The following KAT6B variants were observed in gnomAD, a reference collection of about 807,000 sequenced individuals.
KAT6B encodes lysine acetyltransferase 6B, also known as histone acetyltransferase KAT6B.
KAT6B carries 10 observed loss-of-function variants against 187.5 expected under a neutral mutation model. The ratio of observed to expected loss-of-function variants is 0.05; its 90% confidence interval spans 0.03 to 0.09. The LOEUF (loss-of-function observed/expected upper bound fraction) is 0.09, where lower values mean the gene tolerates loss of function less well. KAT6B is among the 10% of genes least tolerant of loss of function. The pLI is 1.00. For missense variants in KAT6B, 1,952 were observed against 2,558.9 expected, an observed-to-expected ratio of 0.76 and a Z score of 5.12; for synonymous variants, 861 against 926.8, an observed-to-expected ratio of 0.93 and a Z score of 1.29.
At position 74,939,238 on chromosome 10, in the gene KAT6B, A is replaced by G. The variant is rs537819544; in HGVS notation, c.622-20732A>G. Among the ~76,000 whole-genome samples the G allele has an allele frequency of 1.6e-3, 241 of 152,246 alleles. 1 individual carries two copies. Among genetic ancestry groups the G allele is most frequent in the African/African-American group, 5.4e-3 (223 of 41,534 alleles). On this transcript the variant is annotated intron_variant, in intron 3 of 17. Coordinates refer to ENST00000287239, the MANE Select transcript of KAT6B (RefSeq NM_012330.4). ...ACTGCTGTTTGAGTTGATTCTTCCA[A>G]TGTAAAGGCTGTGAGGATGTATGGG...
chr10:74,938,913 T>G (rs1849456004), intron 3 of KAT6B, among the ~76,000 whole-genome samples: 1 of 152,054 alleles, frequency 6.6e-6, no homozygotes, highest in Admixed American at 6.5e-5. Context: ...ATTTTTGTAA[T>G]TTTAGTAGAG....
chr10:75,025,565 A>T, intron 17 of KAT6B: 1 of 305,272 alleles, frequency 3.3e-6, no homozygotes, highest in Non-Finnish European at 6.2e-6. Flanking sequence ...TGATTCTAAT[A>T]TGTACTTTTT....
intron 3 of KAT6B, among the ~76,000 whole-genome samples, chr10:74,847,489 C>T (rs1241291830): frequency 3.3e-5 from 5 of 151,860 alleles, no homozygotes; most frequent in Non-Finnish European, 5.9e-5. Context: ...ATGGAGAAAC[C>T]TCGTCTCTAT....
intron 13 of KAT6B, among the ~76,000 whole-genome samples, chr10:75,004,029 T>C (rs1844034682): frequency 6.6e-6 from 1 of 152,128 alleles, no homozygotes; most frequent in Non-Finnish European, 1.5e-5. Flanking sequence ...TCAGAATTTT[T>C]TCAAGTTTTG....
At chr10:74,928,693 G>T (rs184935339) in intron 3 of KAT6B, among the ~76,000 whole-genome samples, 101 of 152,200 alleles carry the variant, frequency 6.6e-4, no homozygotes, top group Non-Finnish European at 1.1e-3. Flanking sequence ...GTTTTTATAC[G>T]TAGTTTTTAA....
chr10:74,922,032 A>C (rs927876843), intron 3 of KAT6B, among the ~76,000 whole-genome samples: 1 of 152,242 alleles, frequency 6.6e-6, no homozygotes. Flanking sequence ...TCTCTGCCAG[A>C]AAAGACAACT....
chr10:74,830,030 CAA>C (rs1042612437), intron 1 of KAT6B, among the ~76,000 whole-genome samples: 11 of 132,534 alleles, frequency 8.3e-5, no homozygotes, highest in Non-Finnish European at 1.3e-4. Flanking sequence ...AAAAAAAAAA[CAA>C]AAAAAAAAGA....
chr10:74,930,227 T>C (rs779628999), intron 3 of KAT6B, among the ~76,000 whole-genome samples: 35 of 152,292 alleles, frequency 2.3e-4, no homozygotes, highest in Non-Finnish European at 4.3e-4. Context: ...CCAGCCTCTT[T>C]TTTTATTATT....
intron 5 of KAT6B, 89 bp from the exon 6 acceptor site, chr10:74,969,931 T>A: frequency 9.5e-7 from 1 of 1,051,848 alleles, no homozygotes; most frequent in Non-Finnish European, 1.5e-6. Flanking sequence ...TTCCTTATAT[T>A]GTATTAATGT....
At chr10:74,974,564 A>T (rs1051957377) in intron 7 of KAT6B, among the ~76,000 whole-genome samples, 2 of 152,202 alleles carry the variant, frequency 1.3e-5, no homozygotes, top group Non-Finnish European at 2.9e-5. Context: ...TGTTCATGTA[A>T]GCAGCTGTGT....
chr10:74,948,905 C>T (rs1049952255), intron 3 of KAT6B, among the ~76,000 whole-genome samples: 17 of 152,218 alleles, frequency 1.1e-4, no homozygotes, highest in Admixed American at 7.8e-4. Flanking sequence ...TTTTTCTTGC[C>T]GTCTTTAAGA....
chr10:74,960,607 T>C (rs944962741), intron 4 of KAT6B, among the ~76,000 whole-genome samples: 1 of 152,062 alleles, frequency 6.6e-6, no homozygotes, highest in Non-Finnish European at 1.5e-5. Context: ...TAATTCTTGT[T>C]TGGGAAGTCT....
At chr10:74,863,828 G>A (rs1843363026) in intron 3 of KAT6B, among the ~76,000 whole-genome samples, 1 of 152,130 alleles carries the variant, frequency 6.6e-6, no homozygotes, top group African/African-American at 2.4e-5. Flanking sequence ...GGCTTCTTAG[G>A]GAAGTTGGAG....
At chr10:74,897,457 G>T (rs1458509469) in intron 3 of KAT6B, among the ~76,000 whole-genome samples, 2 of 152,152 alleles carry the variant, frequency 1.3e-5, no homozygotes, top group African/African-American at 4.8e-5. Context: ...CCACTGTGGG[G>T]GCCACAGTGG....
At chr10:74,837,695 T>C (rs1403734463) in intron 1 of KAT6B, among the ~76,000 whole-genome samples, 2 of 152,154 alleles carry the variant, frequency 1.3e-5, no homozygotes, top group East Asian at 3.8e-4. Context: ...TTATATGAAT[T>C]TACAGTGGGG....
chr10:74,860,491 A>G (rs1015141902), intron 3 of KAT6B, among the ~76,000 whole-genome samples: 1 of 152,244 alleles, frequency 6.6e-6, no homozygotes, highest in Non-Finnish European at 1.5e-5. Flanking sequence ...AAACAGGCCA[A>G]ATAAGGTGAC....
At chr10:74,937,527 G>A (rs1849353561) in intron 3 of KAT6B, among the ~76,000 whole-genome samples, 1 of 152,114 alleles carries the variant, frequency 6.6e-6, no homozygotes, top group South Asian at 2.1e-4. Flanking sequence ...GAAAAAGAAG[G>A]TCTTTAAATA....
At chr10:74,931,215 C>T (rs147744772) in intron 3 of KAT6B, among the ~76,000 whole-genome samples, 118 of 152,292 alleles carry the variant, frequency 7.7e-4, no homozygotes, top group African/African-American at 2.7e-3. Flanking sequence ...TTGTCTGAGG[C>T]TTGTCTCCAA....
intron 3 of KAT6B, among the ~76,000 whole-genome samples, chr10:74,881,488 A>T (rs1844848909): frequency 6.6e-6 from 1 of 151,954 alleles, no homozygotes; most frequent in Non-Finnish European, 1.5e-5. Context: ...ATCTCCAAAC[A>T]CCCCATGCCT....
Sources: allele counts gnomAD v4.1 joint callset (sites outside exome capture counted in the v4.1 genomes callset), GRCh38; gene constraint gnomAD v4.1.1; transcripts MANE v1.5; gene names NCBI Gene and HGNC (gene_info 2026-07-23, HGNC 2026-07-21).